Variants in POGLUT2 observed in about 807,000 individuals in gnomAD.
POGLUT2 encodes the protein ER protein 58.
POGLUT2 carries 47 observed loss-of-function variants against 57.6 expected under a neutral mutation model. The ratio of observed to expected loss-of-function variants is 0.82; its 90% CI spans 0.65 to 1.04. POGLUT2 has a LOEUF of 1.04. Among genes scored for constraint, POGLUT2 ranks in the 50% least tolerant of loss-of-function variants. The pLI is 0.00. For missense variants in POGLUT2, 565 were observed against 614.8 expected (o/e 0.92, Z 0.86); for synonymous variants, 200 against 218.8 (o/e 0.91, Z 0.76).
rs1045341087 is a variant in POGLUT2, at chr13:102,786,310, G to C, written c.1413C>G (p.Pro471=). ...CCCTTTTCATGCCCTCTCGGATTTGGGGCTCACTCACTTGTAAATTGGCAT... is the reference window on the plus strand; with the variant it reads ...CCCTTTTCATGCCCTCTCGGATTTGCGGCTCACTCACTTGTAAATTGGCAT... ...QEYANLQVSE[P]QIREGMKRVE... Residue 471 remains proline, a synonymous_variant, in exon 9 of 10, where the codon CCC becomes CCG. Coordinates refer to ENST00000376004, the MANE Select transcript of POGLUT2 (RefSeq NM_024089.3). 1 of 1,613,634 alleles carries C rather than the reference G, an allele frequency of 6.2e-7. No homozygotes were observed. The highest frequency in any genetic ancestry group is 8.5e-7 in the Non-Finnish European group (1 of 1,179,616).
At chr13:102,788,207 C>T (rs908031511) in intron 7 of POGLUT2, among the ~76,000 whole-genome samples, 4 of 152,228 alleles carry the variant, frequency 2.6e-5, no homozygotes, top group Non-Finnish European at 5.9e-5. Flanking sequence ...ACTTTGTAAA[C>T]GCAAGATGAA....
At chr13:102,796,756 T>C (rs1595313909) in intron 2 of POGLUT2, 48 bp downstream of exon 2, 3 of 901,098 alleles carry the variant, frequency 3.3e-6, no homozygotes, top group Non-Finnish European at 3.5e-6. Context: ...GAATAACATA[T>C]ATTATTTTAT....
Position 102,791,471 on chromosome 13 carries a change from A to G in POGLUT2, c.673-41T>C, listed in dbSNP as rs1358833942. 4 of 1,513,002 alleles carry G rather than the reference A, an allele frequency of 2.6e-6. No homozygotes were observed. In the South Asian group the frequency reaches 5.2e-5, roughly 20 times the overall value. 93.7% of individuals were successfully genotyped at this position (1,513,002 alleles called of 1,614,324 possible). On this transcript the variant is annotated intron_variant, in intron 4 of 9. Transcript: ENST00000376004. ...CGAGGAGCTTATTCACATTTCCTGC[A>G]TTGGATAATACATTGTATTTATCAA...
At chr13:102,797,111 C>T in intron 1 of POGLUT2, 102 bp from the exon 2 acceptor site, 1 of 721,414 alleles carries the variant, frequency 1.4e-6, no homozygotes, top group East Asian at 2.5e-5. Context: ...CCTCCACATT[C>T]TTCCTCTAAC....
intron 7 of POGLUT2, 65 bp downstream of exon 7, chr13:102,788,947 A>G: frequency 7.4e-7 from 1 of 1,357,604 alleles, no homozygotes; most frequent in Non-Finnish European, 1.1e-6. Flanking sequence ...GGTACAATAC[A>G]TTTCAAAAGG....
rs1328563723 is a variant in POGLUT2 at position 102,786,427 on chromosome 13, T to G, written c.1384-88A>C. The G allele has an allele frequency of 3.6e-6, 3 of 844,764 alleles. No homozygotes were observed. In the African/African-American group the frequency reaches 5.0e-5, roughly 14 times the overall value. The allele number at this position is 844,764 out of a possible 1,614,324, so 52.3% of individuals were successfully genotyped here. A position where few individuals can be genotyped will look rare whatever the true frequency, so the allele number is the denominator to read the frequency against. On this transcript the variant is annotated intron_variant, in intron 8 of 9. Transcript: ENST00000376004. Reference sequence around the variant, plus strand: ...GGCTAGAATATATGAAGACTATGATTCATTTAACTCATGTGTGTCAAACTG... The same window carrying G: ...GGCTAGAATATATGAAGACTATGATGCATTTAACTCATGTGTGTCAAACTG...
In POGLUT2 at chr13:102,798,774, A is replaced by T. The variant is rs925715098; in HGVS notation, c.-104T>A. 2 of 1,223,434 alleles carry T rather than the reference A, an allele frequency of 1.6e-6. No homozygotes were observed. The highest frequency in any genetic ancestry group is 2.2e-6 in the Non-Finnish European group (2 of 905,058). 75.8% of individuals were successfully genotyped at this position (1,223,434 alleles called of 1,614,324 possible). A position where few individuals can be genotyped will look rare whatever the true frequency, so the allele number is the denominator to read the frequency against. The stretch of plus-strand genomic sequence containing the variant: ...CAGGGACCCGCCGGCCGATCGCAGC[A>T]GCCAACGCGACTGCAAAGGTTGCCG... On this transcript the variant is annotated 5_prime_UTR_variant, in exon 1 of 10. Transcript: ENST00000376004.
chr13:102,796,293 C>CAA (rs151064207), intron 2 of POGLUT2, among the ~76,000 whole-genome samples: 133 of 100,688 alleles, frequency 1.3e-3, no homozygotes, highest in African/African-American at 4.0e-3. Flanking sequence ...GACTCTGCCT[C>CAA]AAAAAAAAAA....
Position 102,791,415 on chromosome 13 carries a change from C to A in POGLUT2, c.688G>T (p.Val230Leu). The A allele has an allele frequency of 6.3e-7, 1 of 1,590,842 alleles. No individual in the cohort carries two copies. Among genetic ancestry groups the A allele is most frequent in the South Asian group, 1.2e-5 (1 of 86,634 alleles). The change falls in exon 5 of 10, where the codon GTG becomes TTG. Residue 230 changes from valine to leucine, a missense_variant. By Grantham distance (32) the Val-to-Leu change is conservative. Coordinates refer to ENST00000376004, the MANE Select transcript of POGLUT2 (RefSeq NM_024089.3). The part of the protein sequence containing the change: ...SLTRKVKMPD[V>L]ELFVNLGDWP... ...TCTCCCAAATTAACAAAGAGCTCCA[C>A]ATCTGGCATCTTCACCTAGAAAAAA... is the stretch of plus-strand genomic sequence containing the variant.
At chr13:102,797,863 T>C (rs1878486326) in intron 1 of POGLUT2, among the ~76,000 whole-genome samples, 1 of 152,210 alleles carries the variant, frequency 6.6e-6, no homozygotes, top group Non-Finnish European at 1.5e-5. Context: ...TTCCAGTATT[T>C]TTTTCTGTAT....
Position 102,796,834 on chromosome 13 carries a change from G to T in POGLUT2, c.358C>A (p.His120Asn). 6.2e-7 allele frequency: 1 copy of T among 1,602,600 alleles called. No individual in the cohort carries two copies. Among genetic ancestry groups the T allele is most frequent in the Non-Finnish European group, 8.5e-7 (1 of 1,170,316 alleles). Reference sequence around the variant, plus strand: ...AAAATATATGGGGATTTGGCCACATGTTGCCCTTGGAATTTAATTTCCACC... The same window carrying T: ...AAAATATATGGGGATTTGGCCACATTTTGCCCTTGGAATTTAATTTCCACC... ...LKVEIKFQGQ[H>N]VAKSPYILKG... Residue 120 changes from histidine (H) to asparagine (N), a missense_variant, in exon 2 of 10, where the codon CAT becomes AAT. Coordinates refer to ENST00000376004, the MANE Select transcript of POGLUT2 (RefSeq NM_024089.3).
Position 102,790,990 on chromosome 13 carries a change from C to A in POGLUT2, c.994G>T (p.Ala332Ser). Residue 332 changes from alanine (A) to serine (S), a missense_variant, in exon 6 of 10, where the codon GCT (alanine) becomes TCT (serine). By Grantham distance (99) the Ala-to-Ser change is moderately conservative. Transcript: ENST00000376004. ...LSRKHPELID[A>S]AFTNFFFFKH... ...AAGAAGAAAAAGTTGGTGAAAGCAG[C>A]GTCTATGAGTTCTGGGTGTTTTCTA... 6.2e-7 allele frequency: 1 copy of A among 1,614,034 alleles called. No homozygotes were observed. Among genetic ancestry groups the A allele is most frequent in the African/African-American group, 1.3e-5 (1 of 75,040 alleles).
chr13:102,786,379 C>T, intron 8 of POGLUT2, 40 bp from the exon 9 acceptor site: 1 of 1,249,734 alleles, frequency 8.0e-7, no homozygotes, highest in Non-Finnish European at 1.2e-6. Context: ...TTATAAAACA[C>T]TTTATATCCA....
At chr13:102,798,222 C>A (rs905763152) in intron 1 of POGLUT2, among the ~76,000 whole-genome samples, 10 of 152,156 alleles carry the variant, frequency 6.6e-5, no homozygotes, top group African/African-American at 2.4e-4. Context: ...GTATTTCCAG[C>A]AAAGTGGAGG....
At position 102,795,250 on chromosome 13, in the gene POGLUT2, CAAAA is replaced by C. The variant is rs58015405; in HGVS notation, c.389-1448_389-1445del. On this transcript the variant is annotated intron_variant, in intron 2 of 9. Coordinates refer to ENST00000376004, the MANE Select transcript of POGLUT2 (RefSeq NM_024089.3). Reference sequence around the variant, plus strand: ...CTAGTGACAGAGCGAGACATCGTCTCAAAAAAAAAAAAAAAAAAAAAAGCAAAAG... The same window carrying C: ...CTAGTGACAGAGCGAGACATCGTCTCAAAAAAAAAAAAAAAAAAGCAAAAG... 1.4e-4 allele frequency among the ~76,000 whole-genome samples: 6 copies of C among 42,652 alleles called. No homozygotes were observed. The South Asian group carries it at 4.2e-3, about 30-fold the overall frequency. 28.0% of individuals were successfully genotyped at this position (42,652 alleles called of 152,430 possible).
At position 102,791,068 on chromosome 13, in the gene POGLUT2, C is replaced by G; in HGVS notation, c.916G>C (p.Val306Leu). The change falls in exon 6 of 10, where the codon GTC becomes CTC. Residue 306 changes from valine (V) to leucine (L), a missense_variant. Physicochemically the swap from Val to Leu is conservative, Grantham distance 32. Transcript: ENST00000376004. ...TTGCGGCTGTCTCGCCCTCTCCAGA[C>G]GGCAGTGGAATTTTTGCTTTCCCAG... ...PPWESKNSTAVWRGRDSRKER... is the reference protein window; with the variant it reads ...PPWESKNSTALWRGRDSRKER... 6.2e-7 allele frequency: 1 copy of G among 1,614,154 alleles called. No homozygotes were observed. The highest frequency in any genetic ancestry group is 8.5e-7 in the Non-Finnish European group (1 of 1,180,018).
At chr13:102,794,718 C>T (rs1207100992) in intron 2 of POGLUT2, among the ~76,000 whole-genome samples, 1 of 152,104 alleles carries the variant, frequency 6.6e-6, no homozygotes, top group Non-Finnish European at 1.5e-5. Context: ...GGTAATATTA[C>T]AGCTCATTAT....
chr13:102,791,277 C>G lies in POGLUT2; in HGVS notation c.826G>C (p.Val276Leu). The change falls in exon 5 of 10, where the codon GTT becomes CTT. Residue 276 changes from valine to leucine, a missense_variant. Coordinates refer to ENST00000376004, the MANE Select transcript of POGLUT2 (RefSeq NM_024089.3). ...TCTCACCGGCCCATGGTTTCCAGAA[C>G]AGAATCAGTCAAATCGTACGTAGGC... is the stretch of plus-strand genomic sequence containing the variant. ...VMPTYDLTDSVLETMGRVSLD... is the reference protein window; with the variant it reads ...VMPTYDLTDSLLETMGRVSLD... 1 of 1,605,540 alleles carries G rather than the reference C, an allele frequency of 6.2e-7. No homozygotes were observed. The highest frequency in any genetic ancestry group is 8.5e-7 in the Non-Finnish European group (1 of 1,177,420).
Position 102,793,781 on chromosome 13 carries a change from G to A in POGLUT2, c.414C>T (p.Asp138=). The change falls in exon 3 of 10, where the codon GAC becomes GAT. Residue 138 remains aspartate (D), a synonymous_variant. Coordinates refer to ENST00000376004, the MANE Select transcript of POGLUT2 (RefSeq NM_024089.3). ...LKGPVYHENC[D]CPLQDSAAWL... is the part of the protein sequence containing the mutation. The stretch of plus-strand genomic sequence containing the variant: ...AGGCTGCACTATCTTGCAGAGGACA[G>A]TCACAGTTCTCATGGTAAACCGGCC... The A allele has an allele frequency of 1.9e-6, 3 of 1,614,204 alleles. No homozygotes were observed. In the South Asian group the frequency reaches 3.3e-5, roughly 18 times the overall value.
Sources: gnomAD v4.1 joint callset for allele counts (sites outside exome capture counted in the v4.1 genomes callset) on GRCh38, gnomAD v4.1.1 for gene constraint, MANE v1.5 for transcripts, NCBI Gene and HGNC (gene_info 2026-07-23, HGNC 2026-07-21) for gene names.